The following YBX2 variants were observed in gnomAD, a reference collection of about 807,000 sequenced individuals.
The protein encoded by YBX2 is Y-box binding protein 2.
Under a neutral mutation model 44.4 loss-of-function variants are expected in YBX2, and 5 were observed. The ratio of observed to expected loss-of-function variants is 0.11; its 90% CI spans 0.06 to 0.24. YBX2 has a LOEUF of 0.24. YBX2 is among the 10% of genes least tolerant of loss of function. YBX2 has a pLI of 1.00. For synonymous variants in YBX2, 188 were observed against 216.1 expected, an observed-to-expected ratio of 0.87 and a Z score of 1.14; for missense variants, 417 against 526.9, an observed-to-expected ratio of 0.79 and a Z score of 2.04.
rs561543714 is a variant in YBX2, at chr17:7,288,509, C to G, written c.*174G>C. 2 of 411,342 alleles carry G rather than the reference C, an allele frequency of 4.9e-6. No individual in the cohort carries two copies. The highest frequency in any genetic ancestry group is 4.1e-5 in the African/African-American group (2 of 49,298). The allele number at this position is 411,342 out of a possible 1,614,324, so 25.5% of individuals were successfully genotyped here. On this transcript the variant is annotated 3_prime_UTR_variant, in exon 9 of 9. Coordinates refer to ENST00000007699, the MANE Select transcript of YBX2 (RefSeq NM_015982.4). ...AGGGGAGGGAAGAAAAAAGAAAAAG[C>G]AAAAGGCTGCTGCTTTGGTCCTCCT...
At position 7,293,974 on chromosome 17, in the gene YBX2, C is replaced by T. The variant is rs901175143; in HGVS notation, c.271+256G>A. The T allele has an allele frequency of 1.6e-4, 73 of 461,300 alleles. 1 individual carries two copies. Among genetic ancestry groups the T allele is most frequent in the Admixed American group, 1.2e-4 (3 of 25,316 alleles). 28.6% of individuals were successfully genotyped at this position (461,300 alleles called of 1,614,324 possible). On this transcript the variant is annotated intron_variant, in intron 1 of 8. Coordinates refer to ENST00000007699, the MANE Select transcript of YBX2 (RefSeq NM_015982.4). The stretch of plus-strand genomic sequence containing the variant: ...CTAGGCACTGTGTCCCGCCCGGGGG[C>T]GTGGCCGGACCCTGGGGCTTTATTC...
At chr17:7,293,639 G>T in intron 1 of YBX2, 101 bp from the exon 2 acceptor site, 1 of 1,582,862 alleles carries the variant, frequency 6.3e-7, no homozygotes. Context: ...CTAGCCTACT[G>T]CCTTATTACC....
Position 7,291,894 on chromosome 17 carries a change from CA to C in YBX2, c.369+131del. 1 of 1,169,734 alleles carries C rather than the reference CA, an allele frequency of 8.5e-7. No individual in the cohort carries two copies. The highest frequency in any genetic ancestry group is 1.3e-5 in the South Asian group (1 of 78,132). 72.5% of individuals were successfully genotyped at this position (1,169,734 alleles called of 1,614,324 possible). A position where few individuals can be genotyped will look rare whatever the true frequency, so the allele number is the denominator to read the frequency against. ...CAAGTGCGGCTAATGGTGGTTGACACAGGCACCCAAGGCGGATGGGCCGTTG... is the reference window on the plus strand; with the variant it reads ...CAAGTGCGGCTAATGGTGGTTGACACGGCACCCAAGGCGGATGGGCCGTTG... On this transcript the variant is annotated intron_variant, in intron 3 of 8. Transcript: ENST00000007699. The surrounding 1 kb of genome is among the most constrained non-coding windows in gnomAD (Gnocchi z 5.8).
Position 7,290,258 on chromosome 17 carries a change from G to A in YBX2, c.737C>T (p.Pro246Leu). Residue 246 changes from proline to leucine, a missense_variant, in exon 5 of 9, where the codon CCT (proline) becomes CTT (leucine). By Grantham distance (98) the Pro-to-Leu change is moderately conservative. Transcript: ENST00000007699. ...RGPRPPNQQQPIEGTDRVEPK... is the reference protein window; with the variant it reads ...RGPRPPNQQQLIEGTDRVEPK... ...ATTCCAGCATCCCCTCACCTCTATA[G>A]GCTGCTGCTGGTTGGGAGGCCGGGG... 6.2e-7 allele frequency: 1 copy of A among 1,612,754 alleles called. No homozygotes were observed. The highest frequency in any genetic ancestry group is 8.5e-7 in the Non-Finnish European group (1 of 1,179,202).
rs934449009 is a variant in YBX2 at position 7,291,324 on chromosome 17, A to G, written c.370-142T>C. 1.7e-5 allele frequency: 14 copies of G among 812,586 alleles called. No homozygotes were observed. Among genetic ancestry groups the G allele is most frequent in the Non-Finnish European group, 2.5e-5 (12 of 483,682 alleles). 50.3% of individuals were successfully genotyped at this position (812,586 alleles called of 1,614,324 possible). Reference sequence around the variant, plus strand: ...GGAGGGTGGAGCAAGGAGGTGGTCAAAGTTTAGCAGGGGAAAAGTCCTGAA... The same window carrying G: ...GGAGGGTGGAGCAAGGAGGTGGTCAGAGTTTAGCAGGGGAAAAGTCCTGAA... On this transcript the variant is annotated intron_variant, in intron 3 of 8. Coordinates refer to ENST00000007699, the MANE Select transcript of YBX2 (RefSeq NM_015982.4). This position sits in a 1 kb window ranked among gnomAD's most constrained non-coding sequence, Gnocchi z 5.8.
chr17:7,293,265 T>C, intron 2 of YBX2: 1 of 814,968 alleles, frequency 1.2e-6, no homozygotes, highest in Non-Finnish European at 1.9e-6. Flanking sequence ...TCCTGAATCA[T>C]TAATCCTCCG....
chr17:7,289,602 G>A lies in YBX2; in HGVS notation c.972C>T (p.Tyr324=). Residue 324 remains tyrosine (Y), a synonymous_variant, in exon 7 of 9, where the codon TAC becomes TAT. Transcript: ENST00000007699. ...GGGCCTGCTGCCGTCTCCGCTGGAA[G>A]TAGGGGCGGTTTCGTGGGCGCTGGG... ...PEPQRPRNRP[Y]FQRRRQQAPG... The A allele has an allele frequency of 6.2e-7, 1 of 1,613,330 alleles. No homozygotes were observed. The highest frequency in any genetic ancestry group is 8.5e-7 in the Non-Finnish European group (1 of 1,179,902).
intron 4 of YBX2, 145 bp from the exon 5 acceptor site, chr17:7,290,680 A>C (rs2072495328): frequency 2.0e-6 from 2 of 1,010,342 alleles, no homozygotes; most frequent in Non-Finnish European, 2.8e-6. Context: ...CTGGAGAGGC[A>C]GTGGAATGTG....
intron 5 of YBX2, 89 bp from the exon 6 acceptor site, chr17:7,290,160 C>T: frequency 6.2e-7 from 1 of 1,611,580 alleles, no homozygotes; most frequent in Non-Finnish European, 8.5e-7. Flanking sequence ...CCCTCAGTTC[C>T]TCCTTCTTTG....
rs2072486347 is a variant in YBX2 at position 7,289,794 on chromosome 17, C to T, written c.849-69G>A. 1.7e-5 allele frequency: 28 copies of T among 1,602,726 alleles called. No homozygotes were observed. The South Asian group carries it at 3.0e-4, about 17-fold the overall frequency. On this transcript the variant is annotated intron_variant, in intron 6 of 8. Coordinates refer to ENST00000007699, the MANE Select transcript of YBX2 (RefSeq NM_015982.4). ...CTCCCCAGGGCTCACCCAGCTGCCC[C>T]ACCCCACCTCCAGGAGCCAGGCTTC... is the stretch of plus-strand genomic sequence containing the variant.
At chr17:7,290,613 CA>C in intron 4 of YBX2, 78 bp from the exon 5 acceptor site, 4 of 1,516,626 alleles carry the variant, frequency 2.6e-6, no homozygotes, top group Middle Eastern at 3.5e-4. Flanking sequence ...CCCCTTCTTT[CA>C]GGGGAAGACC....
rs2072505069 is a variant in YBX2, at chr17:7,292,062, G to A, written c.336-3C>T. ...AGACATCTTCCTTGGTGTCATTCCT[G>A]CAGAACAGGATGGGTCGTTAAGGAA... On this transcript the variant is annotated splice_region_variant and splice_polypyrimidine_tract_variant and intron_variant, in intron 2 of 8. Transcript: ENST00000007699. The A allele has an allele frequency of 1.9e-6, 3 of 1,614,108 alleles. No individual in the cohort carries two copies. Among genetic ancestry groups the A allele is most frequent in the Non-Finnish European group, 2.5e-6 (3 of 1,180,000 alleles).
Position 7,289,553 on chromosome 17 carries a change from G to C in YBX2, c.1021C>G (p.Pro341Ala). ...ACCTCAGGGGCTGCGGGCTGCCGGG[G>C]GCCAGGGGCCTGCTGGGGGCCAGGG... ...QAPGPQQAPG[P>A]RQPAAPETSA... Residue 341 changes from proline (P) to alanine (A), a missense_variant, in exon 7 of 9, where the codon CCC becomes GCC. Around this residue, in one of 3 missense-constraint regions of YBX2, gnomAD observed 257 missense variants for 261.7 expected, o/e 0.98. Transcript: ENST00000007699. 1 of 1,604,306 alleles carries C rather than the reference G, an allele frequency of 6.2e-7. No individual in the cohort carries two copies. The highest frequency in any genetic ancestry group is 1.4e-5 in the African/African-American group (1 of 71,732).
chr17:7,293,333 C>T (rs2072515407), intron 2 of YBX2, 142 bp downstream of exon 2: 3 of 1,436,408 alleles, frequency 2.1e-6, no homozygotes, highest in African/African-American at 1.4e-5. Context: ...ATTTGTGCTG[C>T]GGTTAAAGGC....
rs961469558 is a variant in YBX2, at chr17:7,291,403, G to A, written c.370-221C>T. On this transcript the variant is annotated intron_variant, in intron 3 of 8. Transcript: ENST00000007699. The surrounding 1 kb of genome is among the most constrained non-coding windows in gnomAD (Gnocchi z 5.8). ...CCACCATCCCCAGGATGCACTCCCC[G>A]CACCTCCCCTCCCGCCCCGCTTTAC... The A allele has an allele frequency of 1.5e-5, 9 of 592,244 alleles. No homozygotes were observed. The highest frequency in any genetic ancestry group is 3.7e-5 in the African/African-American group (2 of 54,028). The allele number at this position is 592,244 out of a possible 1,614,324, so 36.7% of individuals were successfully genotyped here. A position where few individuals can be genotyped will look rare whatever the true frequency, so the allele number is the denominator to read the frequency against.
intron 1 of YBX2, chr17:7,293,967 C>A: frequency 2.2e-6 from 1 of 462,182 alleles, no homozygotes; most frequent in South Asian, 5.5e-5. Flanking sequence ...TGTGTCCCGC[C>A]CGGGGGCGTG....
chr17:7,294,541 GC>G lies in YBX2; in HGVS notation c.-42del. 1 of 1,418,204 alleles carries G rather than the reference GC, an allele frequency of 7.1e-7. No homozygotes were observed. Among genetic ancestry groups the G allele is most frequent in the Admixed American group, 2.6e-5 (1 of 39,044 alleles). The allele number at this position is 1,418,204 out of a possible 1,614,324, so 87.9% of individuals were successfully genotyped here. ...ACCGGCCACAGCCGCCACCGCCCCG[GC>G]CCCTCCCCCCGGCTCGCGAACCCAC... On this transcript the variant is annotated 5_prime_UTR_variant, in exon 1 of 9. Transcript: ENST00000007699. The surrounding 1 kb of genome is among the most constrained non-coding windows in gnomAD (Gnocchi z 4.6).
Position 7,293,393 on chromosome 17 carries a change from C to T in YBX2, c.335+82G>A, listed in dbSNP as rs2072515760. On this transcript the variant is annotated intron_variant, in intron 2 of 8. Transcript: ENST00000007699. ...TGCAACCATGTGCCTCCGCAGGGGTCGATGAGGTTGGGCGGGTGTCCAGTC... is the reference window on the plus strand; with the variant it reads ...TGCAACCATGTGCCTCCGCAGGGGTTGATGAGGTTGGGCGGGTGTCCAGTC... 5 of 1,601,684 alleles carry T rather than the reference C, an allele frequency of 3.1e-6. No individual in the cohort carries two copies. The South Asian group carries it at 3.3e-5, about 11-fold the overall frequency.
intron 5 of YBX2, 73 bp downstream of exon 5, chr17:7,290,178 A>G (rs1290829594): frequency 1.2e-6 from 2 of 1,611,636 alleles, no homozygotes; most frequent in Non-Finnish European, 1.7e-6. Context: ...TTGGGGACCC[A>G]TGGTCTCTAT....
Sources: allele counts gnomAD v4.1 joint callset, GRCh38; gene constraint gnomAD v4.1.1; regional missense constraint gnomAD v4.1.1; non-coding constraint Gnocchi (gnomAD v3.1); transcripts MANE v1.5; gene names NCBI Gene and HGNC (gene_info 2026-07-23, HGNC 2026-07-21).